Variants in MACROD2 observed in about 807,000 individuals in gnomAD.
The protein encoded by MACROD2 is ADP-ribose glycohydrolase MACROD2.
MACROD2 carries 36 observed loss-of-function variants against 70.4 expected under a neutral mutation model. The observed-to-expected ratio is 0.51, with a 90% CI of 0.39 to 0.68. The LOEUF is 0.68. MACROD2 is among the 30% of genes least tolerant of loss of function. MACROD2 has a pLI of 0.00. For missense variants in MACROD2, 496 were observed against 538.4 expected (o/e 0.92, Z 0.78); for synonymous variants, 172 against 178.8 (o/e 0.96, Z 0.30).
At chr20:15,578,827 A>G (rs2048485289) in intron 8 of MACROD2, among the ~76,000 whole-genome samples, 1 of 152,230 alleles carries the variant, frequency 6.6e-6, no homozygotes, top group Non-Finnish European at 1.5e-5. Context: ...CTAAAACTGA[A>G]AAAATATAAA....
chr20:14,305,265 T>C (rs2082510165), intron 3 of MACROD2, among the ~76,000 whole-genome samples: 2 of 152,206 alleles, frequency 1.3e-5, no homozygotes, highest in South Asian at 4.1e-4. Flanking sequence ...TCCTGCCTTA[T>C]TTTTCTTCAC....
At chr20:14,666,265 A>G (rs2070735518) in intron 4 of MACROD2, among the ~76,000 whole-genome samples, 1 of 152,180 alleles carries the variant, frequency 6.6e-6, no homozygotes, top group African/African-American at 2.4e-5. Context: ...CTTTCTCCAG[A>G]TATTTATGAT....
At chr20:14,226,128 G>A (rs987300124) in intron 3 of MACROD2, among the ~76,000 whole-genome samples, 1 of 152,152 alleles carries the variant, frequency 6.6e-6, no homozygotes, top group African/African-American at 2.4e-5. Flanking sequence ...CTAAATATCA[G>A]GGAATGTAAA....
intron 8 of MACROD2, among the ~76,000 whole-genome samples, chr20:15,561,974 T>G (rs779715283): frequency 6.6e-6 from 1 of 152,052 alleles, no homozygotes; most frequent in Non-Finnish European, 1.5e-5. Context: ...TTATGTTGAA[T>G]CAGCATAAAA....
chr20:15,460,094 G>A (rs974073493), intron 7 of MACROD2, among the ~76,000 whole-genome samples: 2 of 152,044 alleles, frequency 1.3e-5, no homozygotes, highest in East Asian at 1.9e-4. Flanking sequence ...AAAAAGACAC[G>A]ACTATTGTTT....
At chr20:14,592,940 A>T (rs1236661495) in intron 4 of MACROD2, among the ~76,000 whole-genome samples, 1 of 152,148 alleles carries the variant, frequency 6.6e-6, no homozygotes, top group African/African-American at 2.4e-5. Flanking sequence ...TAAATGGTGG[A>T]TGATTGTTAC....
At chr20:14,633,612 A>G (rs367652373) in intron 4 of MACROD2, among the ~76,000 whole-genome samples, 23 of 152,046 alleles carry the variant, frequency 1.5e-4, no homozygotes, top group African/African-American at 5.1e-4. Context: ...TGAGGTAGCA[A>G]CTCCTCTTGG....
intron 15 of MACROD2, among the ~76,000 whole-genome samples, chr20:16,011,377 C>T (rs2066860584): frequency 6.6e-6 from 1 of 152,148 alleles, no homozygotes. Flanking sequence ...CCTGACATCT[C>T]TGAGGTAGAT....
intron 8 of MACROD2, among the ~76,000 whole-genome samples, chr20:15,693,355 T>C (rs757180068): frequency 6.6e-6 from 1 of 152,228 alleles, no homozygotes; most frequent in African/African-American, 2.4e-5. Context: ...GATAGTGTCT[T>C]GTATCCTATT....
chr20:14,192,022 G>A (rs1010106262), intron 3 of MACROD2, among the ~76,000 whole-genome samples: 1 of 151,992 alleles, frequency 6.6e-6, no homozygotes, highest in African/African-American at 2.4e-5. Context: ...TATTGATTAA[G>A]CTATTGGTTG....
intron 15 of MACROD2, among the ~76,000 whole-genome samples, chr20:15,995,859 GT>G (rs112538392): frequency 5.3e-4 from 7 of 13,306 alleles, no homozygotes; most frequent in South Asian, 1.6e-3. Context: ...CAAATGTGAG[GT>G]GTGTGTGTGT....
At chr20:14,271,722 A>C (rs1407392489) in intron 3 of MACROD2, among the ~76,000 whole-genome samples, 1 of 152,170 alleles carries the variant, frequency 6.6e-6, no homozygotes, top group Non-Finnish European at 1.5e-5. Context: ...TTCAAACCAA[A>C]GGCAAAGAAG....
At chr20:15,166,272 T>C (rs2076383309) in intron 5 of MACROD2, among the ~76,000 whole-genome samples, 1 of 152,178 alleles carries the variant, frequency 6.6e-6, no homozygotes, top group South Asian at 2.1e-4. Context: ...GTAATGGTAT[T>C]AGGAATTAAA....
chr20:14,462,255 G>A (rs2084381693), intron 3 of MACROD2, among the ~76,000 whole-genome samples: 1 of 151,988 alleles, frequency 6.6e-6, no homozygotes, highest in African/African-American at 2.4e-5. Flanking sequence ...ATCTCATTGT[G>A]GTTTTGATTT....
At chr20:15,184,502 G>A (rs1601190839) in intron 5 of MACROD2, among the ~76,000 whole-genome samples, 1 of 152,226 alleles carries the variant, frequency 6.6e-6, no homozygotes, top group Non-Finnish European at 1.5e-5. Flanking sequence ...AGTTGAGTGA[G>A]TCTCCTGTAA....
intron 5 of MACROD2, among the ~76,000 whole-genome samples, chr20:14,781,509 T>G (rs188480209): frequency 2.8e-5 from 4 of 142,904 alleles, no homozygotes; most frequent in African/African-American, 1.1e-4. Flanking sequence ...TAACACAGAG[T>G]TGCAAAAAAA....
intron 4 of MACROD2, among the ~76,000 whole-genome samples, chr20:14,556,465 T>C (rs893756694): frequency 1.3e-5 from 2 of 152,042 alleles, no homozygotes; most frequent in African/African-American, 4.8e-5. Context: ...AAAGTACAGA[T>C]AAAGAAGCTC....
intron 7 of MACROD2, among the ~76,000 whole-genome samples, chr20:15,445,671 A>G (rs1568813906): frequency 6.6e-6 from 1 of 152,160 alleles, no homozygotes; most frequent in Non-Finnish European, 1.5e-5. Context: ...TCGTTGGCCC[A>G]AAATACCCGG....
chr20:14,919,507 A>G (rs1012362949), intron 5 of MACROD2, among the ~76,000 whole-genome samples: 12 of 152,220 alleles, frequency 7.9e-5, no homozygotes, highest in African/African-American at 2.7e-4. Context: ...CAGTTAAACA[A>G]GCAAGCAATT....
Sources: gnomAD v4.1 joint callset for allele counts (sites outside exome capture counted in the v4.1 genomes callset) on GRCh38, gnomAD v4.1.1 for gene constraint, MANE v1.5 for transcripts, NCBI Gene and HGNC (gene_info 2026-07-23, HGNC 2026-07-21) for gene names.